TDRD5: variants seen among roughly 807,000 people sequenced by gnomAD.
The protein encoded by TDRD5 is tudor domain containing 5, also known as tudor domain-containing protein 5.
Under a neutral mutation model 120.6 loss-of-function variants are expected in TDRD5, and 41 were observed. The ratio of observed to expected loss-of-function variants is 0.34; its 90% CI spans 0.26 to 0.44. The LOEUF (loss-of-function observed/expected upper bound fraction) is 0.44, where lower values mean the gene tolerates loss of function less well. Ranked by LOEUF, TDRD5 falls within the 20% of genes least tolerant of loss-of-function variation. The probability of loss-of-function intolerance (pLI) is 1.00; values close to 1 mark genes in which losing one functional copy is unlikely to be tolerated. For missense variants in TDRD5, 1,006 were observed against 1,221.2 expected, an observed-to-expected ratio of 0.82 and a Z score of 2.63; for synonymous variants, 430 against 433.7, an observed-to-expected ratio of 0.99 and a Z score of 0.11.
chr1:179,604,052 A>T (rs1404267685), intron 4 of TDRD5, among the ~76,000 whole-genome samples: 1 of 151,808 alleles, frequency 6.6e-6, no homozygotes, highest in Admixed American at 6.6e-5. Flanking sequence ...TTTCAATTTC[A>T]CTGTTTATTA....
chr1:179,602,598 T>C (rs996422201), intron 4 of TDRD5, among the ~76,000 whole-genome samples: 10 of 152,248 alleles, frequency 6.6e-5, no homozygotes, highest in African/African-American at 2.4e-4. Flanking sequence ...TACATGCGGC[T>C]AGCCAATTAT....
At chr1:179,609,588 G>A (rs1048057114) in intron 4 of TDRD5, among the ~76,000 whole-genome samples, 4 of 152,130 alleles carry the variant, frequency 2.6e-5, no homozygotes, top group Non-Finnish European at 5.9e-5. Context: ...AAGCCACCCA[G>A]TCTATGGTAT....
At chr1:179,682,802 T>C (rs902361143) in intron 17 of TDRD5, among the ~76,000 whole-genome samples, 1 of 152,140 alleles carries the variant, frequency 6.6e-6, no homozygotes, top group African/African-American at 2.4e-5. Context: ...CTTCTGAGAT[T>C]ATTGATGGAC....
chr1:179,593,592 C>A lies in TDRD5; in HGVS notation c.365C>A (p.Pro122His). Residue 122 changes from proline to histidine, a missense_variant, in exon 3 of 18, where the codon CCT becomes CAT. Physicochemically the swap from Pro to His is moderately conservative, Grantham distance 77. Coordinates refer to ENST00000444136, the MANE Select transcript of TDRD5 (RefSeq NM_001199085.3). ...GGACCGAGATCTCATCGGCGAGTAC[C>A]TTACCGAGGAAGGGTTGCCCCTATT... Reference protein sequence around the residue: ...YSGPRSHRRVPYRGRVAPILP... With the variant: ...YSGPRSHRRVHYRGRVAPILP... The A allele has an allele frequency of 6.2e-7, 1 of 1,614,224 alleles. No individual in the cohort carries two copies. Among genetic ancestry groups the A allele is most frequent in the Non-Finnish European group, 8.5e-7 (1 of 1,180,040 alleles).
chr1:179,619,292 T>TCA (rs1676722215), intron 5 of TDRD5, among the ~76,000 whole-genome samples: 1 of 152,234 alleles, frequency 6.6e-6, no homozygotes, highest in Non-Finnish European at 1.5e-5. Flanking sequence ...AAGCATCTTT[T>TCA]CATGTGCTTA....
chr1:179,665,845 A>G (rs1417828918), intron 16 of TDRD5, among the ~76,000 whole-genome samples: 1 of 152,132 alleles, frequency 6.6e-6, no homozygotes, highest in African/African-American at 2.4e-5. Flanking sequence ...TGTACTTACC[A>G]TGCAGGTTGA....
At chr1:179,601,431 C>T (rs1435258707) in intron 4 of TDRD5, among the ~76,000 whole-genome samples, 4 of 152,134 alleles carry the variant, frequency 2.6e-5, no homozygotes, top group Admixed American at 2.6e-4. Context: ...CTACCCTTCC[C>T]CTCATGTCCC....
intron 17 of TDRD5, among the ~76,000 whole-genome samples, chr1:179,683,365 ATCTT>A (rs1173927810): frequency 3.3e-5 from 5 of 152,158 alleles, no homozygotes; most frequent in Non-Finnish European, 1.5e-5. Context: ...CTACTCTTAA[ATCTT>A]TGGTCACGTG....
chr1:179,639,961 A>T lies in TDRD5; in HGVS notation c.1643A>T (p.His548Leu), dbSNP rs1338094115. Residue 548 changes from histidine to leucine, a missense_variant, in exon 10 of 18, where the codon CAT becomes CTT. His to Leu is a moderately conservative substitution (Grantham distance 99). Coordinates refer to ENST00000444136, the MANE Select transcript of TDRD5 (RefSeq NM_001199085.3). Reference protein sequence around the residue: ...EDKWWYRVIIHRVLEKQEVEV... With the variant: ...EDKWWYRVIILRVLEKQEVEV... The stretch of plus-strand genomic sequence containing the variant: ...AAGTGGTGGTATCGGGTCATTATCC[A>T]TCGAGTCCTTGAGAAACAGGAAGTT... The T allele has an allele frequency of 6.2e-7, 1 of 1,614,046 alleles. No homozygotes were observed. The highest frequency in any genetic ancestry group is 1.3e-5 in the African/African-American group (1 of 74,932).
At position 179,595,837 on chromosome 1, in the gene TDRD5, G is replaced by A; in HGVS notation, c.831+19G>A. 6.3e-7 allele frequency: 1 copy of A among 1,587,506 alleles called. No homozygotes were observed. The highest frequency in any genetic ancestry group is 1.8e-5 in the Admixed American group (1 of 55,550). Reference sequence around the variant, plus strand: ...AAACCAGGTGAGAGATAAGAATTTGGAGATATAAATATACGATGTTTTTAA... The same window carrying A: ...AAACCAGGTGAGAGATAAGAATTTGAAGATATAAATATACGATGTTTTTAA... On this transcript the variant is annotated intron_variant, in intron 4 of 17. Transcript: ENST00000444136.
intron 17 of TDRD5, among the ~76,000 whole-genome samples, chr1:179,681,082 A>G (rs1572440906): frequency 1.3e-5 from 2 of 151,082 alleles, no homozygotes; most frequent in African/African-American, 4.8e-5. Context: ...ATCTATCTAC[A>G]TTTTTATGTT....
At chr1:179,611,253 T>C (rs1020317757) in intron 4 of TDRD5, among the ~76,000 whole-genome samples, 6 of 152,026 alleles carry the variant, frequency 3.9e-5, no homozygotes, top group Admixed American at 2.6e-4. Flanking sequence ...GGTTTCATCA[T>C]GTTGGCCAGG....
chr1:179,633,337 CT>C (rs1474461537), intron 7 of TDRD5, among the ~76,000 whole-genome samples: 3 of 151,748 alleles, frequency 2.0e-5, no homozygotes, highest in Non-Finnish European at 2.9e-5. Context: ...AGCCACCATG[CT>C]TGTAGGTCTG....
At chr1:179,631,187 T>A (rs1005739679) in intron 7 of TDRD5, among the ~76,000 whole-genome samples, 4 of 152,078 alleles carry the variant, frequency 2.6e-5, no homozygotes, top group South Asian at 2.1e-4. Context: ...GTCAGGCGAT[T>A]GAGACCATCC....
At chr1:179,634,138 T>C (rs1382185678) in intron 7 of TDRD5, among the ~76,000 whole-genome samples, 1 of 147,262 alleles carries the variant, frequency 6.8e-6, no homozygotes, top group Non-Finnish European at 1.5e-5. Context: ...ACCACTGCAC[T>C]CCAGTCTGGG....
In TDRD5 at chr1:179,690,681, CTCTT is replaced by C; in HGVS notation, c.2861-9_2861-6del. The stretch of plus-strand genomic sequence containing the variant: ...TACCCCTTGAAAAGATGTTTGTGTA[CTCTT>C]TCTTTTCCAGTGGAAAGCTCACCAG... On this transcript the variant is annotated splice_polypyrimidine_tract_variant and intron_variant, in intron 17 of 17. Coordinates refer to ENST00000444136, the MANE Select transcript of TDRD5 (RefSeq NM_001199085.3). 5 of 1,609,836 alleles carry C rather than the reference CTCTT, an allele frequency of 3.1e-6. No homozygotes were observed. Among genetic ancestry groups the C allele is most frequent in the Non-Finnish European group, 4.2e-6 (5 of 1,177,590 alleles).
intron 4 of TDRD5, among the ~76,000 whole-genome samples, chr1:179,598,061 A>G (rs1357021908): frequency 6.6e-6 from 1 of 152,208 alleles, no homozygotes; most frequent in Non-Finnish European, 1.5e-5. Context: ...TAGGTGGTAT[A>G]TAGCCTACTA....
chr1:179,641,651 C>T (rs533288499), intron 11 of TDRD5, among the ~76,000 whole-genome samples: 15 of 152,096 alleles, frequency 9.9e-5, no homozygotes, highest in Admixed American at 9.2e-4. Context: ...ATGTTGGGAG[C>T]GAGGGTTTTT....
At chr1:179,673,299 A>G (rs1679950930) in intron 17 of TDRD5, among the ~76,000 whole-genome samples, 1 of 152,144 alleles carries the variant, frequency 6.6e-6, no homozygotes, top group Non-Finnish European at 1.5e-5. Context: ...TTCTCCATAT[A>G]GAAGTCTTTC....
Sources: allele counts gnomAD v4.1 joint callset (sites outside exome capture counted in the v4.1 genomes callset), GRCh38; gene constraint gnomAD v4.1.1; transcripts MANE v1.5; gene names NCBI Gene and HGNC (gene_info 2026-07-23, HGNC 2026-07-21).